Variants in EIPR1 observed in about 807,000 individuals in gnomAD.
EIPR1 encodes EARP complex and GARP complex interacting protein 1.
EIPR1 carries 25 observed loss-of-function variants against 48.1 expected under a neutral mutation model. That is an observed-to-expected ratio of 0.52 (90% CI 0.38 to 0.73). The LOEUF is 0.73. Among genes scored for constraint, EIPR1 ranks in the 30% least tolerant of loss-of-function variants. The probability of loss-of-function intolerance (pLI) is 0.00; values close to 1 mark genes in which losing one functional copy is unlikely to be tolerated. For synonymous variants in EIPR1, 204 were observed against 201.9 expected, an observed-to-expected ratio of 1.01 and a Z score of -0.09; for missense variants, 415 against 506.2, an observed-to-expected ratio of 0.82 and a Z score of 1.73.
At chr2:3,256,223 G>A (rs1667150182) in intron 4 of EIPR1, among the ~76,000 whole-genome samples, 1 of 152,222 alleles carries the variant, frequency 6.6e-6, no homozygotes, top group African/African-American at 2.4e-5. Context: ...CCTGACGAGG[G>A]AAACCTGAGT....
intron 2 of EIPR1, among the ~76,000 whole-genome samples, chr2:3,346,565 A>G (rs2103363719): frequency 6.6e-6 from 1 of 152,348 alleles, no homozygotes; most frequent in East Asian, 1.9e-4. Flanking sequence ...AATATGTGTC[A>G]GGGATCGCAA....
chr2:3,305,894 G>C (rs895623332), intron 3 of EIPR1, among the ~76,000 whole-genome samples: 1 of 152,084 alleles, frequency 6.6e-6, no homozygotes, highest in Non-Finnish European at 1.5e-5. Context: ...TATTTATTCT[G>C]TATTTTCCTA....
intron 3 of EIPR1, among the ~76,000 whole-genome samples, chr2:3,326,986 A>G (rs1669716626): frequency 2.0e-5 from 3 of 152,244 alleles, no homozygotes; most frequent in Admixed American, 1.3e-4. Context: ...TCTGCAGGCC[A>G]GGGTGCTTGG....
At position 3,189,117 on chromosome 2, in the gene EIPR1, T is replaced by C. The variant is rs1474807261; in HGVS notation, c.*217A>G. 3.8e-5 allele frequency: 16 copies of C among 419,030 alleles called. No individual in the cohort carries two copies. Among genetic ancestry groups the C allele is most frequent in the Admixed American group, 4.1e-5 (1 of 24,324 alleles). 26.0% of individuals were successfully genotyped at this position (419,030 alleles called of 1,614,324 possible). On this transcript the variant is annotated 3_prime_UTR_variant, in exon 9 of 9. Coordinates refer to ENST00000382125, the MANE Select transcript of EIPR1 (RefSeq NM_003310.5). This position sits in a 1 kb window ranked among gnomAD's most constrained non-coding sequence, Gnocchi z 4.6. ...ATTCACATAATAATGTGGGGCTCTG[T>C]CTCTGCCGACAGGGGCTGGGTTCGG...
chr2:3,252,847 C>A (rs1219693097), intron 4 of EIPR1, among the ~76,000 whole-genome samples: 1 of 152,172 alleles, frequency 6.6e-6, no homozygotes, highest in South Asian at 2.1e-4. Context: ...TTTTTAGGAT[C>A]TTCCTTAGCA....
intron 3 of EIPR1, among the ~76,000 whole-genome samples, chr2:3,305,492 G>A (rs552270152): frequency 8.3e-4 from 122 of 147,748 alleles, no homozygotes; most frequent in African/African-American, 2.9e-3. Flanking sequence ...CGTCAGTTCA[G>A]CCCTCCACTC....
At chr2:3,196,440 G>GACA (rs1257242734) in intron 6 of EIPR1, among the ~76,000 whole-genome samples, 1 of 152,140 alleles carries the variant, frequency 6.6e-6, no homozygotes, top group African/African-American at 2.4e-5. Context: ...TTACTTAAAT[G>GACA]ACAAAATATG....
rs147997277 is a variant in EIPR1 at position 3,205,907 on chromosome 2, G to A, written c.516+8242C>T. ...CAAATGTCCAGACAGTGCCTAGCAC[G>A]TGGCAGGCATCTTAAACATGTTTTT... On this transcript the variant is annotated intron_variant, in intron 5 of 8. Transcript: ENST00000382125. Among the ~76,000 whole-genome samples the A allele has an allele frequency of 3.7e-3, 556 of 152,322 alleles. 4 individuals are homozygous for A. Among genetic ancestry groups the A allele is most frequent in the Middle Eastern group, 0.017 (5 of 294 alleles).
At chr2:3,223,736 C>A (rs1261979555) in intron 4 of EIPR1, among the ~76,000 whole-genome samples, 1 of 152,086 alleles carries the variant, frequency 6.6e-6, no homozygotes, top group Non-Finnish European at 1.5e-5. Context: ...TGGACACCTG[C>A]CCTCTGCTCT....
chr2:3,324,277 T>A (rs906894524), intron 3 of EIPR1, among the ~76,000 whole-genome samples: 4 of 150,600 alleles, frequency 2.7e-5, no homozygotes, highest in Non-Finnish European at 4.4e-5. Context: ...TCACTGCCCC[T>A]GGGGACATGA....
intron 2 of EIPR1, among the ~76,000 whole-genome samples, chr2:3,340,409 A>T (rs1670202927): frequency 6.6e-6 from 1 of 152,222 alleles, no homozygotes; most frequent in Admixed American, 6.5e-5. Context: ...CGGGGAACTG[A>T]AGTTTCCACA....
chr2:3,282,781 T>C (rs899298983), intron 3 of EIPR1: 1 of 152,248 alleles, frequency 6.6e-6, no homozygotes, highest in African/African-American at 2.4e-5. Flanking sequence ...GTGCTCTCCG[T>C]GCTCCAGGAA....
At chr2:3,256,349 C>T (rs1004808822) in intron 4 of EIPR1, among the ~76,000 whole-genome samples, 3 of 152,136 alleles carry the variant, frequency 2.0e-5, no homozygotes, top group Non-Finnish European at 2.9e-5. Flanking sequence ...GTAATGATTT[C>T]GGGGTACGCC....
At chr2:3,227,844 G>A (rs1212120135) in intron 4 of EIPR1, among the ~76,000 whole-genome samples, 1 of 152,236 alleles carries the variant, frequency 6.6e-6, no homozygotes, top group East Asian at 1.9e-4. Flanking sequence ...GAGGGTATAA[G>A]CCCCAAGCCT....
At chr2:3,277,646 G>A (rs890727340) in intron 3 of EIPR1, among the ~76,000 whole-genome samples, 2 of 152,336 alleles carry the variant, frequency 1.3e-5, no homozygotes, top group Middle Eastern at 3.4e-3. Flanking sequence ...ACCTGACTAG[G>A]CTGAGTAACG....
At chr2:3,290,783 G>C (rs1184996984) in intron 3 of EIPR1, among the ~76,000 whole-genome samples, 1 of 152,224 alleles carries the variant, frequency 6.6e-6, no homozygotes, top group Non-Finnish European at 1.5e-5. Flanking sequence ...GAAATGGACC[G>C]TCGGTCATCT....
chr2:3,356,036 G>A (rs1297817669), intron 1 of EIPR1, among the ~76,000 whole-genome samples: 1 of 152,228 alleles, frequency 6.6e-6, no homozygotes, highest in Non-Finnish European at 1.5e-5. Flanking sequence ...ATGTTGGGGT[G>A]AAGGAGGAAG....
At chr2:3,321,312 G>A (rs1200806267) in intron 3 of EIPR1, among the ~76,000 whole-genome samples, 1 of 152,178 alleles carries the variant, frequency 6.6e-6, no homozygotes, top group African/African-American at 2.4e-5. Context: ...CACAGAAAAT[G>A]GGAAGGAAAC....
chr2:3,235,336 A>T (rs986378797), intron 4 of EIPR1, among the ~76,000 whole-genome samples: 1 of 152,232 alleles, frequency 6.6e-6, no homozygotes, highest in Non-Finnish European at 1.5e-5. Flanking sequence ...GAAGAATAAG[A>T]GCTATGACCA....
Sources: allele counts gnomAD v4.1 joint callset (sites outside exome capture counted in the v4.1 genomes callset), GRCh38; gene constraint gnomAD v4.1.1; non-coding constraint Gnocchi (gnomAD v3.1); transcripts MANE v1.5; gene names NCBI Gene and HGNC (gene_info 2026-07-23, HGNC 2026-07-21).